Variants in LYPD6B observed in about 807,000 individuals in gnomAD.
LYPD6B encodes the protein ly6/PLAUR domain-containing protein 6B.
In LYPD6B, 17 loss-of-function variants were observed where a neutral mutation model predicts 22.8. The observed-to-expected ratio is 0.75, with a 90% CI of 0.51 to 1.12. LYPD6B has a LOEUF of 1.12. Ranked by LOEUF, LYPD6B falls within the 50% of genes most tolerant of loss-of-function variation. The pLI is 0.00. For missense variants in LYPD6B, 221 were observed against 258.3 expected (o/e 0.86, Z 0.99); for synonymous variants, 106 against 91.6 (o/e 1.16, Z -0.90).
intron 1 of LYPD6B, among the ~76,000 whole-genome samples, chr2:149,120,311 G>GTGTATATATATA (rs1559009707): frequency 2.9e-5 from 3 of 105,152 alleles, no homozygotes; most frequent in Non-Finnish European, 5.6e-5. Context: ...ATATATATAT[G>GTGTATATATATA]TGTATATATA....
At chr2:149,130,121 G>A (rs567368981) in intron 1 of LYPD6B, among the ~76,000 whole-genome samples, 230 of 152,272 alleles carry the variant, frequency 1.5e-3, no homozygotes, top group African/African-American at 5.3e-3. Context: ...TTAAGTCTCT[G>A]TGATTTTCTG....
At chr2:149,158,571 G>A (rs1276931456) in intron 2 of LYPD6B, among the ~76,000 whole-genome samples, 1 of 152,104 alleles carries the variant, frequency 6.6e-6, no homozygotes, top group Non-Finnish European at 1.5e-5. Context: ...TGTTTCAGAC[G>A]ACAAAAAAGT....
At chr2:149,041,971 T>C (rs764012165) in intron 1 of LYPD6B, among the ~76,000 whole-genome samples, 37 of 152,202 alleles carry the variant, frequency 2.4e-4, no homozygotes, top group Admixed American at 8.5e-4. Context: ...CAGAAGAGTT[T>C]CAAACCCTGT....
chr2:149,115,223 G>A (rs1026872636), intron 1 of LYPD6B, among the ~76,000 whole-genome samples: 5 of 152,144 alleles, frequency 3.3e-5, no homozygotes, highest in African/African-American at 1.2e-4. Flanking sequence ...ACAGGTGTGA[G>A]CCACCATGCC....
intron 2 of LYPD6B, among the ~76,000 whole-genome samples, chr2:149,133,360 G>C (rs1688149056): frequency 6.6e-6 from 1 of 152,206 alleles, no homozygotes; most frequent in African/African-American, 2.4e-5. Flanking sequence ...ATATTCATTA[G>C]TATAGTTTCA....
At chr2:149,189,144 AGT>A (rs1692315001) in intron 3 of LYPD6B, among the ~76,000 whole-genome samples, 1 of 151,796 alleles carries the variant, frequency 6.6e-6, no homozygotes, top group South Asian at 2.1e-4. Context: ...GGGGCTAAAG[AGT>A]GAGAATTCTC....
At chr2:149,095,795 G>C (rs1372444298) in intron 1 of LYPD6B, among the ~76,000 whole-genome samples, 1 of 151,908 alleles carries the variant, frequency 6.6e-6, no homozygotes, top group African/African-American at 2.4e-5. Context: ...ACAGGAGACA[G>C]AGAAAGAGAT....
intron 2 of LYPD6B, among the ~76,000 whole-genome samples, chr2:149,159,958 G>T (rs539774517): frequency 2.0e-5 from 3 of 152,082 alleles, no homozygotes; most frequent in Middle Eastern, 6.8e-3. Flanking sequence ...ACCAAACAGC[G>T]GGCCACCATA....
chr2:149,060,546 T>C (rs140977868), intron 1 of LYPD6B, among the ~76,000 whole-genome samples: 47 of 152,240 alleles, frequency 3.1e-4, no homozygotes, highest in African/African-American at 1.1e-3. Context: ...ACAACAATTA[T>C]TTATTATTAC....
chr2:149,170,007 G>A (rs1277630933), intron 3 of LYPD6B, among the ~76,000 whole-genome samples: 3 of 152,178 alleles, frequency 2.0e-5, no homozygotes, highest in Non-Finnish European at 4.4e-5. Context: ...TTATATAAAT[G>A]TGCCTTGGAC....
chr2:149,196,094 A>ATACT (rs1692792269), intron 3 of LYPD6B, among the ~76,000 whole-genome samples: 1 of 152,006 alleles, frequency 6.6e-6, no homozygotes, highest in African/African-American at 2.4e-5. Context: ...TTTAACATAC[A>ATACT]TAATTTTTCA....
chr2:149,204,959 G>T, intron 3 of LYPD6B: 1 of 284,320 alleles, frequency 3.5e-6, no homozygotes, highest in East Asian at 6.6e-5. Flanking sequence ...AGTCACTGAG[G>T]GAATGGGGTG....
At chr2:149,081,495 C>T (rs1214501304) in intron 1 of LYPD6B, among the ~76,000 whole-genome samples, 1 of 152,186 alleles carries the variant, frequency 6.6e-6, no homozygotes, top group African/African-American at 2.4e-5. Flanking sequence ...ATGTAAAGCT[C>T]GTTGGCTGAG....
intron 1 of LYPD6B, among the ~76,000 whole-genome samples, chr2:149,107,177 T>C (rs1686519350): frequency 6.6e-6 from 1 of 152,198 alleles, no homozygotes; most frequent in African/African-American, 2.4e-5. Context: ...TTTTTCTTCT[T>C]GTGATGATGT....
At chr2:149,103,613 A>G (rs1348764111) in intron 1 of LYPD6B, among the ~76,000 whole-genome samples, 5 of 151,662 alleles carry the variant, frequency 3.3e-5, no homozygotes, top group Admixed American at 3.3e-4. Flanking sequence ...ATCACCCCCA[A>G]ATGTTTTCTC....
At chr2:149,116,910 T>C (rs1687032367) in intron 1 of LYPD6B, among the ~76,000 whole-genome samples, 1 of 152,162 alleles carries the variant, frequency 6.6e-6, no homozygotes, top group African/African-American at 2.4e-5. Flanking sequence ...TTCCTGGACA[T>C]CAGAAGCTTC....
intron 1 of LYPD6B, among the ~76,000 whole-genome samples, chr2:149,119,451 A>G (rs958605047): frequency 6.6e-6 from 1 of 152,262 alleles, no homozygotes; most frequent in Admixed American, 6.5e-5. Context: ...TAAAGAAAAT[A>G]GACCTTGGGA....
chr2:149,163,198 T>G (rs1489494097), intron 3 of LYPD6B, among the ~76,000 whole-genome samples: 2 of 152,190 alleles, frequency 1.3e-5, no homozygotes, highest in Non-Finnish European at 2.9e-5. Context: ...CTGAACTCTC[T>G]TGATTCATAA....
At chr2:149,076,962 C>T (rs374137440) in intron 1 of LYPD6B, among the ~76,000 whole-genome samples, 18 of 152,106 alleles carry the variant, frequency 1.2e-4, no homozygotes, top group African/African-American at 4.3e-4. Context: ...GAGGAGGAAA[C>T]TCTTAGTAGG....
Sources: gnomAD v4.1 joint callset for allele counts (sites outside exome capture counted in the v4.1 genomes callset) on GRCh38, gnomAD v4.1.1 for gene constraint, MANE v1.5 for transcripts, NCBI Gene and HGNC (gene_info 2026-07-23, HGNC 2026-07-21) for gene names.